CTIF: variants seen among roughly 807,000 people sequenced by gnomAD.
CTIF encodes the protein CBP80/20-dependent translation initiation factor.
A neutral mutation model predicts 66.0 loss-of-function variants in CTIF; 21 were observed. The observed-to-expected ratio is 0.32, with a 90% CI of 0.23 to 0.46. The LOEUF (loss-of-function observed/expected upper bound fraction) is 0.46, where lower values mean the gene tolerates loss of function less well. Ranked by LOEUF, CTIF falls within the 20% of genes least tolerant of loss-of-function variation. The pLI is 1.00. For synonymous variants in CTIF, 345 were observed against 326.4 expected, an observed-to-expected ratio of 1.06 and a Z score of -0.62; for missense variants, 739 against 812.7, an observed-to-expected ratio of 0.91 and a Z score of 1.10.
intron 1 of CTIF, chr18:48,565,563 A>T (rs2089261792): frequency 6.6e-6 from 1 of 152,122 alleles, no homozygotes; most frequent in Non-Finnish European, 1.5e-5. Flanking sequence ...TGTTCTTTCC[A>T]GCAGCCCCAG....
At chr18:48,542,692 G>A (rs1599113580) in intron 1 of CTIF, among the ~76,000 whole-genome samples, 1 of 152,184 alleles carries the variant, frequency 6.6e-6, no homozygotes, top group East Asian at 1.9e-4. Context: ...AGTCACCCTG[G>A]AACTTAGTTT....
chr18:48,708,210 T>A (rs547650064), intron 6 of CTIF, among the ~76,000 whole-genome samples: 2 of 152,230 alleles, frequency 1.3e-5, no homozygotes, highest in African/African-American at 4.8e-5. Context: ...CACCAATGAC[T>A]TTAAAGAAGC....
chr18:48,785,584 G>A (rs1276104970), intron 9 of CTIF, among the ~76,000 whole-genome samples: 1 of 151,882 alleles, frequency 6.6e-6, no homozygotes, highest in Non-Finnish European at 1.5e-5. Context: ...AAAGCAAAAG[G>A]CTTTCAAAAG....
At chr18:48,740,095 T>A (rs1454114676) in intron 7 of CTIF, among the ~76,000 whole-genome samples, 1 of 152,222 alleles carries the variant, frequency 6.6e-6, no homozygotes, top group East Asian at 1.9e-4. Flanking sequence ...AGAGAGCAGT[T>A]CTGTAACTTG....
At chr18:48,852,837 T>C (rs2069238342) in intron 10 of CTIF, among the ~76,000 whole-genome samples, 1 of 152,226 alleles carries the variant, frequency 6.6e-6, no homozygotes, top group African/African-American at 2.4e-5. Context: ...TGGACACTTC[T>C]GTTGTTGATG....
chr18:48,636,744 C>T, intron 3 of CTIF, 59 bp downstream of exon 3: 1 of 1,366,758 alleles, frequency 7.3e-7, no homozygotes, highest in South Asian at 1.6e-5. Flanking sequence ...TGCCTGGGTT[C>T]CTGGGCCGGC....
Position 48,758,347 on chromosome 18 carries a change from C to T in CTIF, c.1013C>T (p.Pro338Leu). The change falls in exon 8 of 12, where the codon CCC (proline) becomes CTC (leucine). Residue 338 changes from proline to leucine, a missense_variant. Coordinates refer to ENST00000256413, the MANE Select transcript of CTIF (RefSeq NM_014772.3). Reference protein sequence around the residue: ...SILPERIGERPKITLLQSSKD... With the variant: ...SILPERIGERLKITLLQSSKD... ...CTTCCCGAGCGCATCGGGGAGCGGC[C>T]CAAAATTACCCTGCTCCAGTCTTCC... 1.2e-6 allele frequency: 2 copies of T among 1,611,352 alleles called. No homozygotes were observed. The highest frequency in any genetic ancestry group is 2.2e-5 in the East Asian group (1 of 44,850).
intron 9 of CTIF, among the ~76,000 whole-genome samples, chr18:48,790,437 C>T (rs911605065): frequency 9.9e-5 from 15 of 152,222 alleles, no homozygotes; most frequent in African/African-American, 2.7e-4. Flanking sequence ...TAAGGGACAG[C>T]CAGCAGGCAT....
intron 1 of CTIF, among the ~76,000 whole-genome samples, chr18:48,578,093 GCTT>G (rs1003405494): frequency 6.6e-6 from 1 of 151,930 alleles, no homozygotes; most frequent in Non-Finnish European, 1.5e-5. Context: ...TTTGTAACTG[GCTT>G]CTTTCACTTA....
chr18:48,596,895 T>G (rs1291030372), intron 1 of CTIF, among the ~76,000 whole-genome samples: 2 of 152,314 alleles, frequency 1.3e-5, no homozygotes, highest in Middle Eastern at 6.8e-3. Flanking sequence ...CCCAGTGTTA[T>G]AAGGATTCTG....
intron 1 of CTIF, among the ~76,000 whole-genome samples, chr18:48,547,073 C>A (rs181585614): frequency 2.0e-5 from 3 of 152,142 alleles, no homozygotes; most frequent in African/African-American, 7.2e-5. Context: ...TTGGGAGATG[C>A]TTTGCGATCA....
At chr18:48,685,652 C>G (rs1305151744) in intron 6 of CTIF, among the ~76,000 whole-genome samples, 1 of 152,074 alleles carries the variant, frequency 6.6e-6, no homozygotes, top group African/African-American at 2.4e-5. Flanking sequence ...GCTTCCAGGC[C>G]TCACTGCTAT....
chr18:48,798,595 G>T (rs755271959), intron 9 of CTIF, among the ~76,000 whole-genome samples: 1 of 152,210 alleles, frequency 6.6e-6, no homozygotes, highest in African/African-American at 2.4e-5. Context: ...TGTGCAGCCT[G>T]CAGCTTTCTA....
chr18:48,559,128 CCTAA>C (rs1410460540), intron 1 of CTIF, among the ~76,000 whole-genome samples: 19 of 152,146 alleles, frequency 1.2e-4, no homozygotes, highest in Admixed American at 3.9e-4. Context: ...CAGAACTTCT[CCTAA>C]CTATCATCTT....
chr18:48,562,186 A>G (rs1259702943), intron 1 of CTIF, among the ~76,000 whole-genome samples: 8 of 152,254 alleles, frequency 5.3e-5, no homozygotes, highest in Non-Finnish European at 1.0e-4. Flanking sequence ...TGTGCCTGGC[A>G]CTGTACCAAG....
At chr18:48,848,168 C>T (rs925788796) in intron 10 of CTIF, among the ~76,000 whole-genome samples, 4 of 152,194 alleles carry the variant, frequency 2.6e-5, no homozygotes, top group African/African-American at 9.6e-5. Flanking sequence ...TGGCTTCCTC[C>T]GCCACCACGG....
intron 6 of CTIF, among the ~76,000 whole-genome samples, chr18:48,705,398 C>G (rs1192618917): frequency 1.3e-5 from 2 of 152,220 alleles, no homozygotes; most frequent in African/African-American, 4.8e-5. Flanking sequence ...GTTTACTTCT[C>G]CTATAAGGAC....
chr18:48,541,114 C>A (rs947799570), intron 1 of CTIF, among the ~76,000 whole-genome samples: 1 of 152,194 alleles, frequency 6.6e-6, no homozygotes, highest in Non-Finnish European at 1.5e-5. Context: ...TGTGCGTGCC[C>A]GCGCTCGCCG....
At chr18:48,540,846 G>C (rs1271015166) in intron 1 of CTIF, among the ~76,000 whole-genome samples, 1 of 151,944 alleles carries the variant, frequency 6.6e-6, no homozygotes, top group Non-Finnish European at 1.5e-5. Flanking sequence ...GTGTGTCCCC[G>C]CGCGCGCGCG....
Sources: gnomAD v4.1 joint callset for allele counts (sites outside exome capture counted in the v4.1 genomes callset) on GRCh38, gnomAD v4.1.1 for gene constraint, MANE v1.5 for transcripts, NCBI Gene and HGNC (gene_info 2026-07-23, HGNC 2026-07-21) for gene names.